MYBPC1: variants seen among roughly 807,000 people sequenced by gnomAD.
MYBPC1 encodes myosin-binding protein C, slow-type.
In MYBPC1, 52 loss-of-function variants were observed where a neutral mutation model predicts 147.1. That is an observed-to-expected ratio of 0.35 (90% confidence interval 0.28 to 0.45). The LOEUF (loss-of-function observed/expected upper bound fraction) is 0.45, where lower values mean the gene tolerates loss of function less well. MYBPC1 is among the 20% of genes least tolerant of loss of function. The probability of loss-of-function intolerance (pLI) is 1.00; values close to 1 mark genes in which losing one functional copy is unlikely to be tolerated. For synonymous variants in MYBPC1, 477 were observed against 475.9 expected (o/e 1.00, Z -0.03); for missense variants, 1,228 against 1,440.3 (o/e 0.85, Z 2.39).
rs552890172 is a variant in MYBPC1, at chr12:101,631,027, C to T, written c.290-544C>T. Among the ~76,000 whole-genome samples, 3 of 152,266 alleles carry T rather than the reference C, an allele frequency of 2.0e-5. No individual in the cohort carries two copies. The East Asian group carries it at 5.8e-4, about 29-fold the overall frequency. ...AAATGCTGGGCTGGAAGCTGGACTA[C>T]AATGTCACGTCCTCAGGGTCTAAAT... On this transcript the variant is annotated intron_variant, in intron 6 of 31. Coordinates refer to ENST00000361466, the MANE Select transcript of MYBPC1 (RefSeq NM_002465.4).
chr12:101,646,350 T>A (rs574994639), intron 12 of MYBPC1, among the ~76,000 whole-genome samples: 1 of 151,986 alleles, frequency 6.6e-6, no homozygotes, highest in Admixed American at 6.6e-5. Flanking sequence ...AAAGAGCAGA[T>A]CAAAATTATA....
intron 14 of MYBPC1, among the ~76,000 whole-genome samples, chr12:101,648,384 TTAATA>T (rs1478417139): frequency 6.6e-6 from 1 of 152,226 alleles, no homozygotes; most frequent in African/African-American, 2.4e-5. Context: ...AAGTGGGTAC[TTAATA>T]CTAAGTGGAT....
At chr12:101,644,848 T>C in intron 12 of MYBPC1, 52 bp downstream of exon 12, 2 of 1,549,514 alleles carry the variant, frequency 1.3e-6, no homozygotes, top group Non-Finnish European at 1.8e-6. Context: ...ATTAATCAAA[T>C]AGTAGTTCGA....
At chr12:101,681,891 G>C (rs1951024712) in intron 29 of MYBPC1, among the ~76,000 whole-genome samples, 1 of 151,840 alleles carries the variant, frequency 6.6e-6, no homozygotes, top group Non-Finnish European at 1.5e-5. Flanking sequence ...TTATAGGCGT[G>C]AGCCACTGCA....
chr12:101,629,621 C>T (rs1452322792), intron 6 of MYBPC1, 77 bp downstream of exon 6: 1 of 942,440 alleles, frequency 1.1e-6, no homozygotes, highest in East Asian at 2.6e-5. Context: ...GCCTGTAATC[C>T]CAGCACTCTG....
chr12:101,618,820 C>T (rs1055849013), intron 3 of MYBPC1, among the ~76,000 whole-genome samples: 2 of 151,340 alleles, frequency 1.3e-5, no homozygotes, highest in Non-Finnish European at 2.9e-5. Flanking sequence ...AAACCATGAC[C>T]ACATGCAGTT....
chr12:101,644,531 G>A, intron 11 of MYBPC1, 133 bp from the exon 12 acceptor site: 1 of 782,294 alleles, frequency 1.3e-6, no homozygotes, highest in Non-Finnish European at 2.1e-6. Flanking sequence ...AGGATAATTT[G>A]GAAGGTTTCT....
intron 21 of MYBPC1, among the ~76,000 whole-genome samples, chr12:101,663,142 C>A (rs1419641258): frequency 6.6e-6 from 1 of 152,130 alleles, no homozygotes; most frequent in African/African-American, 2.4e-5. Context: ...TACTCTAGAT[C>A]ATTAGATCCC....
chr12:101,678,488 G>A (rs540497541), intron 28 of MYBPC1, among the ~76,000 whole-genome samples: 33 of 152,338 alleles, frequency 2.2e-4, no homozygotes, highest in African/African-American at 7.9e-4. Flanking sequence ...AACATCTCCT[G>A]TGTAAGGAGA....
At position 101,595,019 on chromosome 12, in the gene MYBPC1, A is replaced by G. The variant is rs1193667534; in HGVS notation, c.-52A>G. On this transcript the variant is annotated 5_prime_UTR_variant, in exon 1 of 32. Coordinates refer to ENST00000361466, the MANE Select transcript of MYBPC1 (RefSeq NM_002465.4). ...TCGCCTGCCTGTGGGGTTTCTGTCA[A>G]CTAGTCGTGGAGGGAAGGAGACTCT... is the stretch of plus-strand genomic sequence containing the variant. 5 of 1,592,034 alleles carry G rather than the reference A, an allele frequency of 3.1e-6. No individual in the cohort carries two copies. The highest frequency in any genetic ancestry group is 4.3e-6 in the Non-Finnish European group (5 of 1,160,866).
At chr12:101,648,215 T>C in intron 14 of MYBPC1, 65 bp downstream of exon 14, 2 of 1,151,018 alleles carry the variant, frequency 1.7e-6, no homozygotes, top group South Asian at 2.5e-5. Flanking sequence ...TCATAGTTGA[T>C]AGAACAGGAA....
chr12:101,626,818 T>A lies in MYBPC1; in HGVS notation c.104-54T>A, dbSNP rs929980132. ...TTTTCAGATTTCTCTTTTCTCAGGT[T>A]ACTTGGGATGAAGTCTTTTCTCCTT... On this transcript the variant is annotated intron_variant, in intron 3 of 31. Coordinates refer to ENST00000361466, the MANE Select transcript of MYBPC1 (RefSeq NM_002465.4). 3 of 1,393,200 alleles carry A rather than the reference T, an allele frequency of 2.2e-6. No homozygotes were observed. The African/African-American group carries it at 4.3e-5, about 20-fold the overall frequency. The allele number at this position is 1,393,200 out of a possible 1,614,324, so 86.3% of individuals were successfully genotyped here.
At chr12:101,676,209 C>A (rs1899954650) in intron 26 of MYBPC1, among the ~76,000 whole-genome samples, 1 of 152,146 alleles carries the variant, frequency 6.6e-6, no homozygotes, top group African/African-American at 2.4e-5. Context: ...GTTTAAAAAG[C>A]AACCTAGTTG....
chr12:101,656,833 A>G (rs557316800), intron 18 of MYBPC1, among the ~76,000 whole-genome samples: 3 of 152,326 alleles, frequency 2.0e-5, no homozygotes, highest in East Asian at 3.9e-4. Context: ...ACTCAACAGC[A>G]CTATCAATCA....
chr12:101,680,228 C>T (rs1232435050), intron 28 of MYBPC1, 115 bp from the exon 29 acceptor site: 2 of 995,792 alleles, frequency 2.0e-6, no homozygotes, highest in Non-Finnish European at 3.1e-6. Context: ...CTATCCTTCT[C>T]AGATGCACTT....
At chr12:101,625,199 T>TA (rs1036784443) in intron 3 of MYBPC1, among the ~76,000 whole-genome samples, 26 of 125,554 alleles carry the variant, frequency 2.1e-4, no homozygotes, top group African/African-American at 6.7e-4. Context: ...AAAAAATAAA[T>TA]AAATAAACCT....
chr12:101,638,615 C>T (rs2136139137), intron 10 of MYBPC1, among the ~76,000 whole-genome samples: 1 of 152,226 alleles, frequency 6.6e-6, no homozygotes, highest in Middle Eastern at 3.4e-3. Flanking sequence ...CAAACACATA[C>T]ACAATCAATC....
At chr12:101,639,578 A>C (rs17031730) in intron 10 of MYBPC1, among the ~76,000 whole-genome samples, 2,385 of 152,320 alleles carry the variant, frequency 0.016, 60 homozygotes, top group African/African-American at 0.054. Context: ...ATGACTAAGT[A>C]TGTGATAAGA....
intron 1 of MYBPC1, among the ~76,000 whole-genome samples, chr12:101,601,884 T>C (rs570193416): frequency 6.6e-6 from 1 of 152,356 alleles, no homozygotes; most frequent in Non-Finnish European, 1.5e-5. Context: ...AACAGAATGC[T>C]CTACTTAAAA....
Sources: allele counts gnomAD v4.1 joint callset (sites outside exome capture counted in the v4.1 genomes callset), GRCh38; gene constraint gnomAD v4.1.1; transcripts MANE v1.5; gene names NCBI Gene and HGNC (gene_info 2026-07-23, HGNC 2026-07-21).